Variants in IMPG2 observed in about 807,000 individuals in gnomAD.
IMPG2 encodes IPM 200.
Under a neutral mutation model 129.2 loss-of-function variants are expected in IMPG2, and 91 were observed. The ratio of observed to expected loss-of-function variants is 0.70; its 90% confidence interval spans 0.59 to 0.84. IMPG2 has a LOEUF of 0.84. Among genes scored for constraint, IMPG2 ranks in the 40% least tolerant of loss-of-function variants. The pLI is 0.00. For missense variants in IMPG2, 1,430 were observed against 1,461.7 expected, an observed-to-expected ratio of 0.98 and a Z score of 0.35; for synonymous variants, 510 against 517.7, an observed-to-expected ratio of 0.99 and a Z score of 0.20.
intron 14 of IMPG2, 64 bp downstream of exon 14, chr3:101,242,624 A>G: frequency 8.1e-7 from 1 of 1,228,756 alleles, no homozygotes; most frequent in South Asian, 1.2e-5. Context: ...GCAATGAGGA[A>G]GAAAACACAC....
At chr3:101,270,699 C>T (rs1158217411) in intron 7 of IMPG2, among the ~76,000 whole-genome samples, 1 of 152,004 alleles carries the variant, frequency 6.6e-6, no homozygotes, top group Non-Finnish European at 1.5e-5. Flanking sequence ...AGGCGGGAGG[C>T]TGAGGCAGGA....
Position 101,304,288 on chromosome 3 carries a change from G to T in IMPG2, c.359C>A (p.Ala120Asp). ...VRVCQEAVWEAFRTFWDRLPG... is the reference protein window; with the variant it reads ...VRVCQEAVWEDFRTFWDRLPG... ...AAGTCGATCCCAAAAAGTCCTGAAG[G>T]CTTCCCAGACAGCTTCCTGACACAC... is the stretch of plus-strand genomic sequence containing the variant. Residue 120 changes from alanine to aspartate, a missense_variant, in exon 3 of 19, where the codon GCC becomes GAC. Physicochemically the swap from Ala to Asp is moderately radical, Grantham distance 126. Coordinates refer to ENST00000193391, the MANE Select transcript of IMPG2 (RefSeq NM_016247.4). 1 of 1,613,826 alleles carries T rather than the reference G, an allele frequency of 6.2e-7. No homozygotes were observed. The highest frequency in any genetic ancestry group is 1.1e-5 in the South Asian group (1 of 91,074).
chr3:101,300,252 T>C (rs1481757096), intron 3 of IMPG2, among the ~76,000 whole-genome samples: 1 of 152,220 alleles, frequency 6.6e-6, no homozygotes, highest in African/African-American at 2.4e-5. Flanking sequence ...CCTCCCTGGC[T>C]CCAGCAGGGG....
chr3:101,246,707 C>T (rs577481295), intron 11 of IMPG2, among the ~76,000 whole-genome samples: 4 of 152,216 alleles, frequency 2.6e-5, no homozygotes, highest in Non-Finnish European at 4.4e-5. Flanking sequence ...TAATGTACTA[C>T]TAATATTATC....
intron 3 of IMPG2, among the ~76,000 whole-genome samples, chr3:101,302,050 C>A (rs1008817894): frequency 6.6e-6 from 1 of 152,024 alleles, no homozygotes; most frequent in African/African-American, 2.4e-5. Context: ...TCATTCCCTA[C>A]AAACACTTGG....
intron 11 of IMPG2, 66 bp from the exon 12 acceptor site, chr3:101,246,171 A>G: frequency 6.8e-7 from 1 of 1,475,640 alleles, no homozygotes; most frequent in Non-Finnish European, 9.4e-7. Context: ...GATTTTAAAT[A>G]CCACCTATCT....
At chr3:101,306,692 C>A (rs1278095486) in intron 2 of IMPG2, among the ~76,000 whole-genome samples, 1 of 151,646 alleles carries the variant, frequency 6.6e-6, no homozygotes, top group Admixed American at 6.6e-5. Flanking sequence ...TAACTATCTA[C>A]CCATAGGGAA....
At position 101,242,736 on chromosome 3, in the gene IMPG2, T is replaced by A. The variant is rs1376238635; in HGVS notation, c.2974A>T (p.Asn992Tyr). ...ILEDFCTTAY[N>Y]TMNLAIDKYS... Reference sequence around the variant, plus strand: ...TTATCAATAGCCAAGTTCATGGTATTGTAGGCAGTGGTACAAAAGTCTTCC... The same window carrying A: ...TTATCAATAGCCAAGTTCATGGTATAGTAGGCAGTGGTACAAAAGTCTTCC... The change falls in exon 14 of 19, where the codon AAT (asparagine) becomes TAT (tyrosine). Residue 992 changes from asparagine to tyrosine, a missense_variant. Asn to Tyr is a moderately radical substitution (Grantham distance 143). Coordinates refer to ENST00000193391, the MANE Select transcript of IMPG2 (RefSeq NM_016247.4). 6.2e-7 allele frequency: 1 copy of A among 1,613,926 alleles called. No individual in the cohort carries two copies. The highest frequency in any genetic ancestry group is 2.2e-5 in the East Asian group (1 of 44,886).
chr3:101,253,875 T>C, intron 10 of IMPG2, 94 bp from the exon 11 acceptor site: 4 of 864,938 alleles, frequency 4.6e-6, no homozygotes, highest in African/African-American at 1.7e-5. Context: ...TTTCTCTTCA[T>C]TGTTTAGATT....
At chr3:101,292,716 A>G (rs1707032923) in intron 3 of IMPG2, among the ~76,000 whole-genome samples, 1 of 152,214 alleles carries the variant, frequency 6.6e-6, no homozygotes, top group African/African-American at 2.4e-5. Flanking sequence ...AATGCAGTTG[A>G]TAACATTTTA....
In IMPG2 at chr3:101,248,806, C is replaced by T. The variant is rs193122002; in HGVS notation, c.1240-2701G>A. ...CTTGTCCATGTTGTTTTCATTGGTT[C>T]CTATTTTAAGTGGGTCACCATGCTG... On this transcript the variant is annotated intron_variant, in intron 11 of 18. Transcript: ENST00000193391. 3.6e-3 allele frequency among the ~76,000 whole-genome samples: 554 copies of T among 152,284 alleles called. 10 individuals carry two copies. The highest frequency in any genetic ancestry group is 0.018 in the South Asian group (88 of 4,820).
intron 4 of IMPG2, among the ~76,000 whole-genome samples, chr3:101,289,415 T>C (rs549123531): frequency 6.6e-6 from 1 of 152,298 alleles, no homozygotes; most frequent in South Asian, 2.1e-4. Context: ...AAGTACATAA[T>C]TCAGAGGGCT....
intron 3 of IMPG2, among the ~76,000 whole-genome samples, chr3:101,295,441 C>T (rs890658198): frequency 6.6e-6 from 1 of 152,124 alleles, no homozygotes; most frequent in African/African-American, 2.4e-5. Context: ...GTCTATATGT[C>T]TGTTTTGGCA....
intron 11 of IMPG2, among the ~76,000 whole-genome samples, chr3:101,250,589 A>G (rs1437707452): frequency 6.6e-6 from 1 of 152,204 alleles, no homozygotes; most frequent in Non-Finnish European, 1.5e-5. Context: ...GGAAGCAGCC[A>G]AGTCTCTAGA....
intron 10 of IMPG2, among the ~76,000 whole-genome samples, chr3:101,257,311 C>T (rs1706621315): frequency 1.3e-5 from 2 of 152,086 alleles, no homozygotes; most frequent in Non-Finnish European, 2.9e-5. Context: ...TGCCACTTTC[C>T]ACACTCTGTG....
intron 16 of IMPG2, 144 bp downstream of exon 16, chr3:101,230,812 GA>G: frequency 1.4e-6 from 1 of 718,064 alleles, no homozygotes; most frequent in Non-Finnish European, 2.4e-6. Context: ...ACACCCCTTT[GA>G]GGACAAGGAC....
chr3:101,277,844 T>G (rs1706854148), intron 4 of IMPG2, among the ~76,000 whole-genome samples: 1 of 152,254 alleles, frequency 6.6e-6, no homozygotes, highest in African/African-American at 2.4e-5. Context: ...TTTTCAAGTT[T>G]GTACACATGT....
intron 2 of IMPG2, 111 bp downstream of exon 2, chr3:101,319,473 G>A: frequency 7.8e-7 from 1 of 1,278,042 alleles, no homozygotes; most frequent in Non-Finnish European, 1.1e-6. Flanking sequence ...GGTAGTTTTG[G>A]CTCAGTCCTG....
At chr3:101,286,185 C>A (rs1044466196) in intron 4 of IMPG2, among the ~76,000 whole-genome samples, 1 of 152,010 alleles carries the variant, frequency 6.6e-6, no homozygotes, top group South Asian at 2.1e-4. Flanking sequence ...GTACCTAGAA[C>A]AATGTCTGGC....
Sources: allele counts gnomAD v4.1 joint callset (sites outside exome capture counted in the v4.1 genomes callset), GRCh38; gene constraint gnomAD v4.1.1; transcripts MANE v1.5; gene names NCBI Gene and HGNC (gene_info 2026-07-23, HGNC 2026-07-21).